The following MTO1 variants were observed in gnomAD, a reference collection of about 807,000 sequenced individuals.
MTO1 encodes 5-taurinomethyluridine-[tRNA] synthase subunit MTO1, mitochondrial.
MTO1 carries 46 observed loss-of-function variants against 71.6 expected under a neutral mutation model. That is an observed-to-expected ratio of 0.64 (90% CI 0.51 to 0.82). The LOEUF (loss-of-function observed/expected upper bound fraction) is 0.82. Ranked by LOEUF, MTO1 falls within the 40% of genes least tolerant of loss-of-function variation. MTO1 has a pLI of 0.00. For missense variants in MTO1, 773 were observed against 867.5 expected, an observed-to-expected ratio of 0.89 and a Z score of 1.37; for synonymous variants, 297 against 312.1, an observed-to-expected ratio of 0.95 and a Z score of 0.51.
chr6:73,473,295 G>GATAGATAC, intron 3 of MTO1, 70 bp from the exon 4 acceptor site: 1 of 1,408,318 alleles, frequency 7.1e-7, no homozygotes. Context: ...TAGATAGATA[G>GATAGATAC]ATAGATACAT....
chr6:73,507,772 T>G lies in MTO1; in HGVS notation c.*7037T>G, dbSNP rs1772326736. The G allele has an allele frequency of 6.6e-6, 1 of 152,114 alleles. No individual in the cohort carries two copies. Among genetic ancestry groups the G allele is most frequent in the Non-Finnish European group, 1.5e-5 (1 of 68,072 alleles). The allele number at this position is 152,114 out of a possible 1,614,324, so 9.4% of individuals were successfully genotyped here. On this transcript the variant is annotated 3_prime_UTR_variant, in exon 12 of 12. Transcript: ENST00000498286. ...GCGGGCGGATCACGAGGTCAGGAAATAGAGACCATCCTGGCTAACATGGTG... is the reference window on the plus strand; with the variant it reads ...GCGGGCGGATCACGAGGTCAGGAAAGAGAGACCATCCTGGCTAACATGGTG...
intron 10 of MTO1, among the ~76,000 whole-genome samples, chr6:73,494,775 C>CA (rs1554150574): frequency 7.6e-6 from 1 of 131,444 alleles, no homozygotes; most frequent in Non-Finnish European, 1.6e-5. Context: ...TGCTCCTGGC[C>CA]TTTTTTTTTT....
intron 1 of MTO1, among the ~76,000 whole-genome samples, chr6:73,463,742 C>A (rs1410772035): frequency 6.6e-6 from 1 of 151,756 alleles, no homozygotes; most frequent in Non-Finnish European, 1.5e-5. Flanking sequence ...TTTTTCTTTT[C>A]TTTTCTTTCA....
chr6:73,479,604 G>A (rs1771427663), intron 4 of MTO1, 128 bp from the exon 5 acceptor site: 1 of 611,944 alleles, frequency 1.6e-6, no homozygotes, highest in African/African-American at 1.9e-5. Flanking sequence ...TACTTCATAA[G>A]TAATACTAGG....
At chr6:73,467,898 A>C (rs749656347) in intron 3 of MTO1, among the ~76,000 whole-genome samples, 1 of 151,922 alleles carries the variant, frequency 6.6e-6, no homozygotes, top group Non-Finnish European at 1.5e-5. Context: ...TCGGCTCACC[A>C]CAACCTGAGC....
chr6:73,480,079 T>A lies in MTO1; in HGVS notation c.1082T>A (p.Met361Lys). ...MTLPAELQEKMITCIRGLEKA... is the reference protein window; with the variant it reads ...MTLPAELQEKKITCIRGLEKA... The stretch of plus-strand genomic sequence containing the variant: ...CTACCAGCTGAGTTACAAGAGAAAA[T>A]GATCACATGCATCAGAGGCTTGGAG... The change falls in exon 6 of 12, where the codon ATG becomes AAG. Residue 361 changes from methionine to lysine, a missense_variant. Met to Lys is a moderately conservative substitution (Grantham distance 95). Transcript: ENST00000498286. 6.2e-7 allele frequency: 1 copy of A among 1,613,960 alleles called. No homozygotes were observed. The highest frequency in any genetic ancestry group is 8.5e-7 in the Non-Finnish European group (1 of 1,179,992).
In MTO1 at chr6:73,480,712, G is replaced by A; in HGVS notation, c.1167G>A (p.Gln389=). 1 of 1,613,946 alleles carries A rather than the reference G, an allele frequency of 6.2e-7. No individual in the cohort carries two copies. Among genetic ancestry groups the A allele is most frequent in the Non-Finnish European group, 8.5e-7 (1 of 1,179,906 alleles). ...AGTATGATTACTTAGATCCCCGTCA[G>A]ATCACCCCTTCCTTGGAGACTCATT... The part of the protein sequence containing the change: ...GVQYDYLDPR[Q]ITPSLETHLV... Residue 389 remains glutamine (Q), a synonymous_variant, in exon 7 of 12, where the codon CAG becomes CAA. Coordinates refer to ENST00000498286, the MANE Select transcript of MTO1 (RefSeq NM_012123.4).
chr6:73,467,406 G>C (rs1771030421), intron 3 of MTO1, among the ~76,000 whole-genome samples: 1 of 151,992 alleles, frequency 6.6e-6, no homozygotes. Context: ...CCTGAGGTTG[G>C]GAGTTCAAGA....
At chr6:73,484,276 C>T (rs576125598) in intron 9 of MTO1, among the ~76,000 whole-genome samples, 1 of 152,248 alleles carries the variant, frequency 6.6e-6, no homozygotes. Context: ...TATAACAAAA[C>T]ACCTTAGACT....
At position 73,480,675 on chromosome 6, in the gene MTO1, G is replaced by A; in HGVS notation, c.1130G>A (p.Gly377Asp). 6.2e-7 allele frequency: 1 copy of A among 1,613,790 alleles called. No individual in the cohort carries two copies. The highest frequency in any genetic ancestry group is 8.5e-7 in the Non-Finnish European group (1 of 1,179,858). ...TTTAATGTCTTTGTTCTTTGGTCAG[G>A]CTACGGTGTTCAGTATGATTACTTA... is the stretch of plus-strand genomic sequence containing the variant. ...GLEKAKVIQPGYGVQYDYLDP... is the reference protein window; with the variant it reads ...GLEKAKVIQPDYGVQYDYLDP... The change falls in exon 7 of 12, where the codon GGC becomes GAC. Residue 377 changes from glycine to aspartate, a missense_variant and splice_region_variant. Gly to Asp is a moderately conservative substitution (Grantham distance 94, BLOSUM62 -1). Transcript: ENST00000498286.
At chr6:73,489,974 C>T (rs1198096701) in intron 9 of MTO1, among the ~76,000 whole-genome samples, 1 of 152,086 alleles carries the variant, frequency 6.6e-6, no homozygotes, top group Non-Finnish European at 1.5e-5. Flanking sequence ...TTTTAATGAT[C>T]ACCATTCTAA....
intron 7 of MTO1, 121 bp from the exon 8 acceptor site, chr6:73,481,919 C>A: frequency 2.0e-6 from 2 of 977,722 alleles, no homozygotes; most frequent in Non-Finnish European, 3.2e-6. Flanking sequence ...TCTATTATAT[C>A]CCTTAGGGGC....
rs1561936757 is a variant in MTO1 at position 73,461,794 on chromosome 6, C to G, written c.-61C>G. On this transcript the variant is annotated 5_prime_UTR_variant, in exon 1 of 12. Coordinates refer to ENST00000498286, the MANE Select transcript of MTO1 (RefSeq NM_012123.4). Reference sequence around the variant, plus strand: ...GCGCCCTGCAGATTGTCTCTTGTTGCGTAAGTTTTTTTGACCGTCACTCGT... The same window carrying G: ...GCGCCCTGCAGATTGTCTCTTGTTGGGTAAGTTTTTTTGACCGTCACTCGT... 20 of 1,546,572 alleles carry G rather than the reference C, an allele frequency of 1.3e-5. No individual in the cohort carries two copies. Among genetic ancestry groups the G allele is most frequent in the Non-Finnish European group, 1.5e-5 (17 of 1,126,448 alleles).
chr6:73,491,329 A>C (rs536306799), intron 9 of MTO1, among the ~76,000 whole-genome samples: 1 of 151,878 alleles, frequency 6.6e-6, no homozygotes, highest in East Asian at 1.9e-4. Flanking sequence ...TCACTCATGT[A>C]ATCCTGGCAC....
rs1771443603 is a variant in MTO1 at position 73,480,085 on chromosome 6, C to T, written c.1088C>T (p.Thr363Ile). Residue 363 changes from threonine (T) to isoleucine (I), a missense_variant, in exon 6 of 12, where the codon ACA becomes ATA. By Grantham distance (89) the Thr-to-Ile change is moderately conservative. Transcript: ENST00000498286. ...LPAELQEKMI[T>I]CIRGLEKAKV... ...GCTGAGTTACAAGAGAAAATGATCA[C>T]ATGCATCAGAGGCTTGGAGAAAGCT... is the stretch of plus-strand genomic sequence containing the variant. 1.2e-6 allele frequency: 2 copies of T among 1,613,990 alleles called. No individual in the cohort carries two copies. Among genetic ancestry groups the T allele is most frequent in the Non-Finnish European group, 1.7e-6 (2 of 1,180,024 alleles).
rs374410917 is a variant in MTO1 at position 73,500,667 on chromosome 6, A to G, written c.2011A>G (p.Met671Val). The change falls in exon 12 of 12, where the codon ATG (methionine) becomes GTG (valine). Residue 671 changes from methionine to valine, a missense_variant. Transcript: ENST00000498286. ...GACCACTCAACGAAGACAGTCGGCT[A>G]TGAATGAATCATCCAAGACTGATCA... is the stretch of plus-strand genomic sequence containing the variant. ...VKTTQRRQSA[M>V]NESSKTDQYL... The G allele has an allele frequency of 1.8e-4, 290 of 1,613,932 alleles. No individual in the cohort carries two copies. The highest frequency in any genetic ancestry group is 2.4e-4 in the Non-Finnish European group (280 of 1,179,948).
At chr6:73,473,151 T>C (rs572359664) in intron 3 of MTO1, among the ~76,000 whole-genome samples, 3 of 152,224 alleles carry the variant, frequency 2.0e-5, no homozygotes, top group Admixed American at 6.5e-5. Context: ...TGGTGGCGCA[T>C]GCCTGTAATC....
At chr6:73,484,964 T>C (rs1055727791) in intron 9 of MTO1, among the ~76,000 whole-genome samples, 2 of 151,686 alleles carry the variant, frequency 1.3e-5, no homozygotes, top group African/African-American at 4.8e-5. Context: ...GGAGAATCAC[T>C]TGAACCTAGA....
intron 9 of MTO1, among the ~76,000 whole-genome samples, chr6:73,488,039 A>T (rs182335916): frequency 3.2e-4 from 48 of 152,194 alleles, no homozygotes; most frequent in Middle Eastern, 3.4e-3. Context: ...ATGTGAGGTG[A>T]TATCTCATTG....
Sources: gnomAD v4.1 joint callset for allele counts (sites outside exome capture counted in the v4.1 genomes callset) on GRCh38, gnomAD v4.1.1 for gene constraint, MANE v1.5 for transcripts, NCBI Gene and HGNC (gene_info 2026-07-23, HGNC 2026-07-21) for gene names.